Variants in SIDT1 observed in about 807,000 individuals in gnomAD.
SIDT1 encodes SID1 transmembrane family, member 1.
SIDT1 carries 101 observed loss-of-function variants against 107.5 expected under a neutral mutation model. That is an observed-to-expected ratio of 0.94 (90% confidence interval 0.80 to 1.11). The LOEUF (loss-of-function observed/expected upper bound fraction) is 1.11, where lower values mean the gene tolerates loss of function less well. Among genes scored for constraint, SIDT1 ranks in the 50% least tolerant of loss-of-function variants. The probability of loss-of-function intolerance (pLI) is 0.00; values close to 1 mark genes in which losing one functional copy is unlikely to be tolerated. For synonymous variants in SIDT1, 395 were observed against 398.2 expected (o/e 0.99, Z 0.10); for missense variants, 1,076 against 1,058.2 (o/e 1.02, Z -0.23).
Position 113,603,044 on chromosome 3 carries a change from C to G in SIDT1, c.1157C>G (p.Ser386Cys). The G allele has an allele frequency of 2.5e-6, 4 of 1,614,136 alleles. No individual in the cohort carries two copies. In the South Asian group the frequency reaches 4.4e-5, roughly 18 times the overall value. Residue 386 changes from serine (S) to cysteine (C), a missense_variant, in exon 12 of 25, where the codon TCC becomes TGC. Physicochemically the swap from Ser to Cys is moderately radical, Grantham distance 112. Coordinates refer to ENST00000264852, the MANE Select transcript of SIDT1 (RefSeq NM_017699.3). Reference protein sequence around the residue: ...SSSPGRQMSSSDGGPPGQSDT... With the variant: ...SSSPGRQMSSCDGGPPGQSDT... ...AGTCCTGGAAGGCAGATGTCCTCCT[C>G]CGATGGTGGGCCACCGGGCCAGTCA...
rs549702023 is a variant in SIDT1, at chr3:113,608,544, G to T, written c.1720+8G>T. The T allele has an allele frequency of 6.4e-7, 1 of 1,556,792 alleles. No individual in the cohort carries two copies. The highest frequency in any genetic ancestry group is 1.1e-5 in the South Asian group (1 of 89,856). The stretch of plus-strand genomic sequence containing the variant: ...ATTCCAACTTCCAATTCGGTAATTA[G>T]AACTTATATCTACTATACAGATTTG... On this transcript the variant is annotated splice_region_variant and intron_variant, in intron 17 of 24. Coordinates refer to ENST00000264852, the MANE Select transcript of SIDT1 (RefSeq NM_017699.3).
chr3:113,536,592 C>T (rs1005749884), intron 1 of SIDT1, among the ~76,000 whole-genome samples: 4 of 152,202 alleles, frequency 2.6e-5, no homozygotes, highest in African/African-American at 9.7e-5. Flanking sequence ...AGCCATTGCT[C>T]CTAATCTTTC....
At chr3:113,586,588 T>C (rs1943761063) in intron 9 of SIDT1, among the ~76,000 whole-genome samples, 1 of 152,202 alleles carries the variant, frequency 6.6e-6, no homozygotes, top group Non-Finnish European at 1.5e-5. Flanking sequence ...AGGATGAAGA[T>C]GTGTGCATGG....
chr3:113,608,188 G>T lies in SIDT1; in HGVS notation c.1573G>T (p.Ala525Ser), dbSNP rs1945476584. 6.2e-7 allele frequency: 1 copy of T among 1,604,500 alleles called. No homozygotes were observed. The highest frequency in any genetic ancestry group is 1.1e-5 in the South Asian group (1 of 89,550). Residue 525 changes from alanine (A) to serine (S), a missense_variant, in exon 16 of 25, where the codon GCC becomes TCC. Coordinates refer to ENST00000264852, the MANE Select transcript of SIDT1 (RefSeq NM_017699.3). ...GCGCCGCGACATCCTCCATCGGAGA[G>T]CCCTGGAAGCCAAGGACATCTTTGC... ...VLRRDILHRR[A>S]LEAKDIFAVE...
chr3:113,558,278 AG>A (rs1181989622), intron 1 of SIDT1, among the ~76,000 whole-genome samples: 1 of 152,260 alleles, frequency 6.6e-6, no homozygotes, highest in Non-Finnish European at 1.5e-5. Context: ...AAACAAGTAT[AG>A]AAAATAATGT....
rs372335343 is a variant in SIDT1, at chr3:113,623,488, A to G, written c.2152A>G (p.Ile718Val). 26 of 1,613,958 alleles carry G rather than the reference A, an allele frequency of 1.6e-5. No individual in the cohort carries two copies. Among genetic ancestry groups the G allele is most frequent in the Non-Finnish European group, 2.0e-5 (24 of 1,180,012 alleles). Residue 718 changes from isoleucine to valine, a missense_variant, in exon 22 of 25, where the codon ATC becomes GTC. Coordinates refer to ENST00000264852, the MANE Select transcript of SIDT1 (RefSeq NM_017699.3). ...DFASYMLGIF[I>V]CNLLLYLAFY... ...TGCTTCCTACATGCTGGGCATCTTC[A>G]TCTGTAACCTTTTGCTGTACCTGGC...
At chr3:113,554,203 G>A (rs1940588074) in intron 1 of SIDT1, among the ~76,000 whole-genome samples, 1 of 152,134 alleles carries the variant, frequency 6.6e-6, no homozygotes, top group African/African-American at 2.4e-5. Flanking sequence ...AAATACCCAG[G>A]ACAGTATTTC....
intron 3 of SIDT1, among the ~76,000 whole-genome samples, chr3:113,568,940 C>T (rs1462328018): frequency 6.6e-6 from 1 of 151,946 alleles, no homozygotes; most frequent in Non-Finnish European, 1.5e-5. Flanking sequence ...GCGAGACCAG[C>T]CTGACCAACA....
At chr3:113,590,920 C>T (rs1184735528) in intron 9 of SIDT1, among the ~76,000 whole-genome samples, 2 of 152,170 alleles carry the variant, frequency 1.3e-5, no homozygotes, top group African/African-American at 4.8e-5. Flanking sequence ...TATGTCTAAT[C>T]TCCAGAACCT....
chr3:113,592,583 G>GTTTTTC lies in SIDT1; in HGVS notation c.1002-404_1002-399dup, dbSNP rs796792706. The GTTTTTC allele has an allele frequency of 3.4e-3, 520 of 151,860 alleles. 9 individuals carry two copies. The highest frequency in any genetic ancestry group is 6.8e-3 in the Middle Eastern group (2 of 294). The allele number at this position is 151,860 out of a possible 1,614,324, so 9.4% of individuals were successfully genotyped here. ...TTTGTTTGTTGTTGTTGTTTGTTTTGTTTTTCTTTTTCTTTTTCTTTTTTT... is the reference window on the plus strand; with the variant it reads ...TTTGTTTGTTGTTGTTGTTTGTTTTGTTTTTCTTTTTCTTTTTCTTTTTCTTTTTTT... On this transcript the variant is annotated intron_variant, in intron 9 of 24. Transcript: ENST00000264852.
chr3:113,606,386 A>G (rs938573081), intron 14 of SIDT1: 1 of 152,260 alleles, frequency 6.6e-6, no homozygotes, highest in African/African-American at 2.4e-5. Flanking sequence ...TTAAACCCCC[A>G]GTGATTCCAA....
In SIDT1 at chr3:113,603,940, C is replaced by T. The variant is rs536640260; in HGVS notation, c.1264-20C>T. On this transcript the variant is annotated intron_variant, in intron 12 of 24. Transcript: ENST00000264852. The stretch of plus-strand genomic sequence containing the variant: ...AGAGCTGAGTACAGTTTTGCATTCT[C>T]TTTTTATTTGGCATTCCAGATGTTC... 3 of 1,597,444 alleles carry T rather than the reference C, an allele frequency of 1.9e-6. No homozygotes were observed. Among genetic ancestry groups the T allele is most frequent in the Admixed American group, 1.7e-5 (1 of 59,656 alleles).
chr3:113,547,809 T>C (rs1207040144), intron 1 of SIDT1, among the ~76,000 whole-genome samples: 1 of 152,128 alleles, frequency 6.6e-6, no homozygotes, highest in Non-Finnish European at 1.5e-5. Flanking sequence ...AAACTTTCTT[T>C]TGGACCTAGC....
rs777305343 is a variant in SIDT1 at position 113,583,382 on chromosome 3, A to G, written c.748-27A>G. 2.1e-5 allele frequency: 33 copies of G among 1,550,320 alleles called. 1 individual carries two copies. The highest frequency in any genetic ancestry group is 2.7e-5 in the Non-Finnish European group (31 of 1,130,510). On this transcript the variant is annotated intron_variant, in intron 6 of 24. Transcript: ENST00000264852. Reference sequence around the variant, plus strand: ...CCCTTCTACCTCTTTCTTACCGCCTATCATAAGGTTGTTATGTCTTATGCA... The same window carrying G: ...CCCTTCTACCTCTTTCTTACCGCCTGTCATAAGGTTGTTATGTCTTATGCA...
At chr3:113,595,541 T>C (rs1944482383) in intron 10 of SIDT1, among the ~76,000 whole-genome samples, 1 of 151,224 alleles carries the variant, frequency 6.6e-6, no homozygotes, top group African/African-American at 2.4e-5. Flanking sequence ...ATCGCACCAC[T>C]GCACTCCAAC....
chr3:113,606,954 G>A (rs1240699431), intron 14 of SIDT1, 87 bp from the exon 15 acceptor site: 9 of 825,154 alleles, frequency 1.1e-5, no homozygotes, highest in African/African-American at 1.7e-5. Flanking sequence ...GTGCATCTCC[G>A]TGAGCCCTGT....
At chr3:113,635,147 G>A in the SIDT1 span, among the ~76,000 whole-genome samples, 7 of 152,154 alleles carry the variant, frequency 4.6e-5, no homozygotes, top group African/African-American at 1.4e-4. Context: ...TTTCAAAAAC[G>A]AAACTTAAAA....
intron 18 of SIDT1, 75 bp from the exon 19 acceptor site, chr3:113,612,011 A>G (rs1945786815): frequency 9.4e-7 from 1 of 1,060,204 alleles, no homozygotes; most frequent in African/African-American, 1.6e-5. Flanking sequence ...CCTTACACAT[A>G]CAGGAGAGAG....
At chr3:113,573,215 T>A (rs1942618204) in intron 3 of SIDT1, among the ~76,000 whole-genome samples, 2 of 152,162 alleles carry the variant, frequency 1.3e-5, no homozygotes, top group African/African-American at 4.8e-5. Flanking sequence ...ATCAGGGAAG[T>A]GACAGCACAT....
Sources: allele counts gnomAD v4.1 joint callset (sites outside exome capture counted in the v4.1 genomes callset), GRCh38; gene constraint gnomAD v4.1.1; transcripts MANE v1.5; gene names NCBI Gene and HGNC (gene_info 2026-07-23, HGNC 2026-07-21).